AGO3: variants seen among roughly 807,000 people sequenced by gnomAD.
AGO3 encodes protein argonaute-3.
A neutral mutation model predicts 105.5 loss-of-function variants in AGO3; 16 were observed. That is an observed-to-expected ratio of 0.15 (90% CI 0.10 to 0.23). The LOEUF is 0.23. Ranked by LOEUF, AGO3 falls within the 10% of genes least tolerant of loss-of-function variation. The pLI, the probability that AGO3 is intolerant of heterozygous loss-of-function variation, is 1.00. For missense variants in AGO3, 534 were observed against 1,088.0 expected (o/e 0.49, Z 7.16); for synonymous variants, 340 against 367.3 (o/e 0.93, Z 0.85).
chr1:36,017,695 G>A (rs1280681582), intron 11 of AGO3, among the ~76,000 whole-genome samples: 3 of 152,046 alleles, frequency 2.0e-5, no homozygotes, highest in Non-Finnish European at 1.5e-5. Flanking sequence ...TTGAGCTCAG[G>A]AGTTCAAGAC....
At chr1:36,048,918 G>A (rs1047462916) in intron 17 of AGO3, among the ~76,000 whole-genome samples, 6 of 152,288 alleles carry the variant, frequency 3.9e-5, no homozygotes, top group Admixed American at 1.3e-4. Context: ...ATGTTGCCCA[G>A]ACTGGTCTTG....
intron 2 of AGO3, among the ~76,000 whole-genome samples, chr1:35,950,569 A>G (rs1362785034): frequency 1.3e-5 from 2 of 152,090 alleles, no homozygotes; most frequent in Non-Finnish European, 2.9e-5. Flanking sequence ...TTGGGGAAGG[A>G]GATTCTTTCC....
intron 5 of AGO3, among the ~76,000 whole-genome samples, chr1:35,993,092 T>C (rs1647837349): frequency 6.6e-6 from 1 of 152,212 alleles, no homozygotes; most frequent in Admixed American, 6.5e-5. Context: ...CTTTTATTTT[T>C]ATAATACCCT....
intron 6 of AGO3, chr1:36,005,890 T>C (rs1175605855): frequency 6.9e-5 from 68 of 984,934 alleles, no homozygotes; most frequent in Non-Finnish European, 8.1e-5. Context: ...AAATATTTAT[T>C]AAAGCCAAAA....
At chr1:36,006,799 A>C (rs1327361460) in intron 6 of AGO3, among the ~76,000 whole-genome samples, 2 of 152,230 alleles carry the variant, frequency 1.3e-5, no homozygotes, top group African/African-American at 4.8e-5. Flanking sequence ...AACCCATACC[A>C]ATCTGGTACA....
intron 5 of AGO3, chr1:35,992,285 C>T (rs756126632): frequency 6.6e-6 from 1 of 152,240 alleles, no homozygotes; most frequent in Non-Finnish European, 1.5e-5. Context: ...TGTTGTATCT[C>T]TTCCAGTTAG....
At chr1:35,988,905 G>C (rs767327549) in intron 5 of AGO3, among the ~76,000 whole-genome samples, 27 of 152,150 alleles carry the variant, frequency 1.8e-4, no homozygotes, top group Non-Finnish European at 3.8e-4. Context: ...CCAATAAAAT[G>C]CTATGAAAAA....
At chr1:35,961,453 C>A (rs573213879) in intron 2 of AGO3, among the ~76,000 whole-genome samples, 2 of 152,024 alleles carry the variant, frequency 1.3e-5, no homozygotes, top group Non-Finnish European at 2.9e-5. Flanking sequence ...CTGAAAATTT[C>A]GTTCCAAAAT....
At chr1:35,934,513 G>A (rs1646112798) in intron 1 of AGO3, among the ~76,000 whole-genome samples, 1 of 152,150 alleles carries the variant, frequency 6.6e-6, no homozygotes, top group African/African-American at 2.4e-5. Flanking sequence ...AATAAAAGTT[G>A]CATATATGGG....
chr1:35,970,167 A>G (rs1646839736), intron 3 of AGO3, among the ~76,000 whole-genome samples: 1 of 152,218 alleles, frequency 6.6e-6, no homozygotes, highest in South Asian at 2.1e-4. Context: ...GGGTACTGGT[A>G]TGTTCACAGC....
rs191804819 is a variant in AGO3, at chr1:36,022,225, C to T, written c.1407-4889C>T. Among the ~76,000 whole-genome samples, 388 of 152,084 alleles carry T rather than the reference C, an allele frequency of 2.6e-3. 2 individuals are homozygous for T. The highest frequency in any genetic ancestry group is 4.4e-3 in the Non-Finnish European group (298 of 67,990). On this transcript the variant is annotated intron_variant, in intron 11 of 18. Transcript: ENST00000373191. ...GACCACAGGGACTTGCCACTATGCT[C>T]TGCTAACTTTTTTTCTTTTTTTGTA...
intron 5 of AGO3, among the ~76,000 whole-genome samples, chr1:35,979,690 C>A (rs942729342): frequency 6.6e-6 from 1 of 152,062 alleles, no homozygotes; most frequent in South Asian, 2.1e-4. Flanking sequence ...ATATTCATAT[C>A]TGTTTTCGTT....
chr1:36,048,595 A>G (rs1420827248), intron 17 of AGO3, among the ~76,000 whole-genome samples: 1 of 152,200 alleles, frequency 6.6e-6, no homozygotes. Context: ...AGGATATAGA[A>G]AACAAGCAGA....
chr1:36,013,484 G>A lies in AGO3; in HGVS notation c.1150-146G>A, dbSNP rs2148818872. 5 of 1,034,292 alleles carry A rather than the reference G, an allele frequency of 4.8e-6. No individual in the cohort carries two copies. In the East Asian group the frequency reaches 7.5e-5, roughly 15 times the overall value. The allele number at this position is 1,034,292 out of a possible 1,614,324, so 64.1% of individuals were successfully genotyped here. A position where few individuals can be genotyped will look rare whatever the true frequency, so the allele number is the denominator to read the frequency against. The stretch of plus-strand genomic sequence containing the variant: ...ACCCATGGTCCCCAGGTTAAGATTC[G>A]CTGTTCTGTAGTTAGAGCACCATTG... On this transcript the variant is annotated intron_variant, in intron 9 of 18. Coordinates refer to ENST00000373191, the MANE Select transcript of AGO3 (RefSeq NM_024852.4).
At chr1:35,931,576 C>T (rs923332405) in intron 1 of AGO3, 131 bp downstream of exon 1, 2 of 1,031,250 alleles carry the variant, frequency 1.9e-6, no homozygotes, top group African/African-American at 1.7e-5. Context: ...TCCCGCCCCT[C>T]GCCCTGCTCC....
chr1:35,940,719 A>G (rs1646238612), intron 1 of AGO3, among the ~76,000 whole-genome samples: 1 of 152,288 alleles, frequency 6.6e-6, no homozygotes. Context: ...AATAGTTCCC[A>G]GATCTTCATT....
In AGO3 at chr1:35,973,531, A is replaced by G; in HGVS notation, c.658+20A>G. The G allele has an allele frequency of 6.6e-7, 1 of 1,521,870 alleles. No individual in the cohort carries two copies. The highest frequency in any genetic ancestry group is 8.9e-7 in the Non-Finnish European group (1 of 1,124,854). 94.3% of individuals were successfully genotyped at this position (1,521,870 alleles called of 1,614,324 possible). On this transcript the variant is annotated intron_variant, in intron 5 of 18. Transcript: ENST00000373191. Reference sequence around the variant, plus strand: ...TCGATGGTAAGGGAACTAAAGCCATATTCTGTATTGGGTGGTGGATTTCTG... The same window carrying G: ...TCGATGGTAAGGGAACTAAAGCCATGTTCTGTATTGGGTGGTGGATTTCTG...
At position 35,991,045 on chromosome 1, in the gene AGO3, G is replaced by A. The variant is rs1647595617; in HGVS notation, c.659-13296G>A. The stretch of plus-strand genomic sequence containing the variant: ...AGGCTGGGCACGGTGGCTCACGCCT[G>A]TAATTCTACCACTTATGGGAGGCCG... On this transcript the variant is annotated intron_variant, in intron 5 of 18. Transcript: ENST00000373191. Among the ~76,000 whole-genome samples, 4 of 152,292 alleles carry A rather than the reference G, an allele frequency of 2.6e-5. No homozygotes were observed. In the South Asian group the frequency reaches 8.3e-4, roughly 32 times the overall value.
At chr1:35,956,090 G>T (rs1445537899) in intron 2 of AGO3, among the ~76,000 whole-genome samples, 3 of 152,066 alleles carry the variant, frequency 2.0e-5, no homozygotes, top group Non-Finnish European at 4.4e-5. Flanking sequence ...TCATACTGCA[G>T]CATACCCCTT....
Sources: allele counts gnomAD v4.1 joint callset (sites outside exome capture counted in the v4.1 genomes callset), GRCh38; gene constraint gnomAD v4.1.1; transcripts MANE v1.5; gene names NCBI Gene and HGNC (gene_info 2026-07-23, HGNC 2026-07-21).